The following CLASP1 variants were observed in gnomAD, a reference collection of about 807,000 sequenced individuals.
The protein encoded by CLASP1 is CLIP-associating protein 1.
A neutral mutation model predicts 192.3 loss-of-function variants in CLASP1; 38 were observed. The ratio of observed to expected loss-of-function variants is 0.20; its 90% CI spans 0.15 to 0.26. The LOEUF is 0.26. Ranked by LOEUF, CLASP1 falls within the 10% of genes least tolerant of loss-of-function variation. The pLI is 1.00. For synonymous variants in CLASP1, 691 were observed against 712.8 expected (o/e 0.97, Z 0.49); for missense variants, 1,433 against 1,932.5 (o/e 0.74, Z 4.85).
chr2:121,385,560 G>A (rs2073015732), intron 32 of CLASP1, among the ~76,000 whole-genome samples: 1 of 152,208 alleles, frequency 6.6e-6, no homozygotes, highest in Admixed American at 6.5e-5. Context: ...TAGCTCTGAT[G>A]AATGATACTA....
chr2:121,373,379 A>C (rs935705973), intron 34 of CLASP1, among the ~76,000 whole-genome samples: 3 of 152,190 alleles, frequency 2.0e-5, no homozygotes, highest in African/African-American at 7.2e-5. Context: ...TAAATTACCC[A>C]GTCTCAGGTA....
intron 8 of CLASP1, among the ~76,000 whole-genome samples, chr2:121,486,147 G>C (rs1443622641): frequency 2.0e-5 from 3 of 152,232 alleles, no homozygotes; most frequent in Non-Finnish European, 4.4e-5. Flanking sequence ...TATAATTATA[G>C]TAATAATGAC....
chr2:121,377,776 G>C, intron 33 of CLASP1, 127 bp from the exon 35 acceptor site: 1 of 625,460 alleles, frequency 1.6e-6, no homozygotes, highest in Non-Finnish European at 2.6e-6. Flanking sequence ...GGGTGATTTG[G>C]AATGAAAAGG....
chr2:121,552,879 A>G (rs1205215931), intron 2 of CLASP1, among the ~76,000 whole-genome samples: 1 of 152,216 alleles, frequency 6.6e-6, no homozygotes, highest in East Asian at 1.9e-4. Context: ...TACCATAAAG[A>G]CACATGCATG....
intron 2 of CLASP1, among the ~76,000 whole-genome samples, chr2:121,597,170 A>G (rs2063236031): frequency 6.6e-6 from 1 of 152,220 alleles, no homozygotes; most frequent in Non-Finnish European, 1.5e-5. Flanking sequence ...CTTAATTACT[A>G]GTTTTATCAC....
chr2:121,615,790 A>C (rs955984595), intron 1 of CLASP1, among the ~76,000 whole-genome samples: 4 of 152,196 alleles, frequency 2.6e-5, no homozygotes, highest in Non-Finnish European at 5.9e-5. Context: ...TCTCAAAAAA[A>C]ATAAATAAAA....
At chr2:121,450,090 G>T (rs2085136996) in intron 16 of CLASP1, among the ~76,000 whole-genome samples, 1 of 152,122 alleles carries the variant, frequency 6.6e-6, no homozygotes, top group Non-Finnish European at 1.5e-5. Context: ...CCAGCACTTT[G>T]GGAGGCCGAG....
At chr2:121,642,210 G>C (rs1400216889) in intron 1 of CLASP1, among the ~76,000 whole-genome samples, 4 of 151,714 alleles carry the variant, frequency 2.6e-5, no homozygotes, top group Admixed American at 2.0e-4. Flanking sequence ...TTGAGTCCAG[G>C]AGTTTGAGAC....
At chr2:121,492,727 A>G (rs1248166108) in intron 8 of CLASP1, among the ~76,000 whole-genome samples, 1 of 152,054 alleles carries the variant, frequency 6.6e-6, no homozygotes, top group Non-Finnish European at 1.5e-5. Context: ...GGTAAAGGCT[A>G]GAGAGAATAT....
At chr2:121,338,952 C>G (rs560282966) in exon 40 of CLASP1, 1 of 152,562 alleles carries the variant, frequency 6.6e-6, no homozygotes, top group Non-Finnish European at 1.5e-5. Context: ...AAAAGAAATA[C>G]CATTAATGAC....
intron 20 of CLASP1, among the ~76,000 whole-genome samples, chr2:121,428,529 A>G (rs2080845185): frequency 6.6e-6 from 1 of 152,230 alleles, no homozygotes; most frequent in African/African-American, 2.4e-5. Context: ...TCCAGGCATC[A>G]CTAGGGTTCA....
At chr2:121,377,447 T>A in intron 34 of CLASP1, 52 bp downstream of exon 35, 1 of 1,334,072 alleles carries the variant, frequency 7.5e-7, no homozygotes, top group African/African-American at 1.5e-5. Context: ...AGAAGTCTCA[T>A]TATCTGTCAT....
At chr2:121,408,804 T>A (rs1305641755) in intron 24 of CLASP1, among the ~76,000 whole-genome samples, 1 of 152,124 alleles carries the variant, frequency 6.6e-6, no homozygotes, top group African/African-American at 2.4e-5. Context: ...GAGCAGAGCT[T>A]GACATTCAAA....
chr2:121,603,890 G>C lies in CLASP1; in HGVS notation c.195+1811C>G, dbSNP rs543435659. Among the ~76,000 whole-genome samples, 16 of 152,306 alleles carry C rather than the reference G, an allele frequency of 1.1e-4. No homozygotes were observed. The South Asian group carries it at 2.3e-3, about 22-fold the overall frequency. Reference sequence around the variant, plus strand: ...CAGTTAATCTCATAAGTAAAAAGTAGAAGAGACGATAGCAGAGGCTGGGAA... The same window carrying C: ...CAGTTAATCTCATAAGTAAAAAGTACAAGAGACGATAGCAGAGGCTGGGAA... On this transcript the variant is annotated intron_variant, in intron 2 of 39. Coordinates refer to ENST00000263710, the Ensembl canonical transcript of CLASP1.
At chr2:121,587,539 C>CTCAA (rs2061861632) in intron 2 of CLASP1, among the ~76,000 whole-genome samples, 1 of 152,056 alleles carries the variant, frequency 6.6e-6, no homozygotes, top group Non-Finnish European at 1.5e-5. Context: ...AAACAAGAAG[C>CTCAA]TCAATGTCAG....
chr2:121,376,325 A>G (rs116453468), intron 34 of CLASP1, among the ~76,000 whole-genome samples: 2,284 of 152,322 alleles, frequency 0.015, 56 homozygotes, highest in African/African-American at 0.051. Flanking sequence ...ACATATATAC[A>G]CAATGGAATA....
At chr2:121,478,474 T>A (rs2091915377) in intron 8 of CLASP1, among the ~76,000 whole-genome samples, 1 of 151,692 alleles carries the variant, frequency 6.6e-6, no homozygotes, top group South Asian at 2.1e-4. Flanking sequence ...GGCAGCACAC[T>A]CCTGTAATCC....
chr2:121,613,009 A>T (rs982911640), intron 1 of CLASP1, among the ~76,000 whole-genome samples: 2 of 152,272 alleles, frequency 1.3e-5, no homozygotes, highest in African/African-American at 2.4e-5. Flanking sequence ...GAGAGACATT[A>T]AAATGATACA....
chr2:121,387,944 A>G (rs750763241), intron 30 of CLASP1, 38 bp from the exon 32 acceptor site: 1 of 1,475,316 alleles, frequency 6.8e-7, no homozygotes, highest in Admixed American at 1.8e-5. Flanking sequence ...TGTAATGTAC[A>G]ATAGGTCATC....
Sources: allele counts gnomAD v4.1 joint callset (sites outside exome capture counted in the v4.1 genomes callset), GRCh38; gene constraint gnomAD v4.1.1; transcripts MANE v1.5; gene names NCBI Gene and HGNC (gene_info 2026-07-23, HGNC 2026-07-21).